The following LEF1 variants were observed in gnomAD, a reference collection of about 807,000 sequenced individuals.
LEF1 encodes the protein lymphoid enhancer binding factor 1, also known as lymphoid enhancer-binding factor 1.
LEF1 carries 14 observed loss-of-function variants against 51.2 expected under a neutral mutation model. That is an observed-to-expected ratio of 0.27 (90% confidence interval 0.18 to 0.43). The LOEUF (loss-of-function observed/expected upper bound fraction) is 0.43. LEF1 is among the 20% of genes least tolerant of loss of function. LEF1 has a pLI of 1.00. For missense variants in LEF1, 386 were observed against 512.0 expected, an observed-to-expected ratio of 0.75 and a Z score of 2.37; for synonymous variants, 185 against 183.2, an observed-to-expected ratio of 1.01 and a Z score of -0.08.
chr4:108,099,580 A>ATGTGTGTG lies in LEF1; in HGVS notation c.415-10324_415-10323insCACACACA, dbSNP rs1560789226. On this transcript the variant is annotated intron_variant, in intron 3 of 11. Coordinates refer to ENST00000265165, the MANE Select transcript of LEF1 (RefSeq NM_016269.5). ...TATGTGTGTGTGTGTGTATATATAT[A>ATGTGTGTG]TATATATATATATATATATATATAT... is the stretch of plus-strand genomic sequence containing the variant. Among the ~76,000 whole-genome samples, 104 of 37,034 alleles carry ATGTGTGTG rather than the reference A, an allele frequency of 2.8e-3. 3 individuals are homozygous for ATGTGTGTG. The highest frequency in any genetic ancestry group is 7.1e-3 in the African/African-American group (58 of 8,204). 24.3% of individuals were successfully genotyped at this position (37,034 alleles called of 152,430 possible).
intron 3 of LEF1, among the ~76,000 whole-genome samples, chr4:108,148,290 T>C (rs1348852698): frequency 3.5e-5 from 5 of 143,898 alleles, no homozygotes; most frequent in African/African-American, 1.3e-4. Flanking sequence ...AAAAAAAAAA[T>C]TTATCAAGCA....
chr4:108,155,140 A>AG (rs1210780686), intron 3 of LEF1, among the ~76,000 whole-genome samples: 2 of 151,572 alleles, frequency 1.3e-5, no homozygotes, highest in Admixed American at 1.3e-4. Context: ...TATGGGATTA[A>AG]GGGGGAAAAA....
rs1191413665 is a variant in LEF1, at chr4:108,113,948, T to TGAA, written c.415-24694_415-24692dup. 2.0e-5 allele frequency among the ~76,000 whole-genome samples: 3 copies of TGAA among 152,174 alleles called. No homozygotes were observed. The East Asian group carries it at 5.8e-4, about 29-fold the overall frequency. Reference sequence around the variant, plus strand: ...TAAACTCATTTAAAAAACCACTATATGAAGACAAAGAATAAAAAATAAACA... The same window carrying TGAA: ...TAAACTCATTTAAAAAACCACTATATGAAGAAGACAAAGAATAAAAAATAAACA... On this transcript the variant is annotated intron_variant, in intron 3 of 11. Coordinates refer to ENST00000265165, the MANE Select transcript of LEF1 (RefSeq NM_016269.5).
At chr4:108,090,287 CT>C (rs1739932807) in intron 3 of LEF1, among the ~76,000 whole-genome samples, 1 of 151,922 alleles carries the variant, frequency 6.6e-6, no homozygotes, top group African/African-American at 2.4e-5. Flanking sequence ...TGAAATACTG[CT>C]TTAATAATAT....
At chr4:108,154,175 TCTG>T (rs1213823120) in intron 3 of LEF1, among the ~76,000 whole-genome samples, 3 of 152,174 alleles carry the variant, frequency 2.0e-5, no homozygotes, top group Non-Finnish European at 2.9e-5. Flanking sequence ...CAATTTCTCT[TCTG>T]CTTTCAATTT....
chr4:108,081,232 C>T (rs938589454), intron 6 of LEF1, among the ~76,000 whole-genome samples: 1 of 152,134 alleles, frequency 6.6e-6, no homozygotes, highest in African/African-American at 2.4e-5. Context: ...TATCCTCCTC[C>T]CTTACCCCAC....
At chr4:108,165,844 T>C (rs892707925) in intron 1 of LEF1, among the ~76,000 whole-genome samples, 45 of 152,222 alleles carry the variant, frequency 3.0e-4, no homozygotes, top group African/African-American at 1.1e-3. Flanking sequence ...CCAGACAGCC[T>C]CAAACACGTG....
At chr4:108,133,215 G>A (rs935421741) in intron 3 of LEF1, among the ~76,000 whole-genome samples, 6 of 152,050 alleles carry the variant, frequency 3.9e-5, no homozygotes, top group Non-Finnish European at 8.8e-5. Flanking sequence ...CTCGTGATCC[G>A]CCCGCCCCAG....
At chr4:108,128,698 G>A (rs1293920487) in intron 3 of LEF1, among the ~76,000 whole-genome samples, 1 of 151,840 alleles carries the variant, frequency 6.6e-6, no homozygotes, top group Non-Finnish European at 1.5e-5. Flanking sequence ...AAAGATAATC[G>A]GTATGAACCT....
chr4:108,074,736 TCAGAGACAGA>T (rs969738547), intron 8 of LEF1, among the ~76,000 whole-genome samples: 2 of 152,148 alleles, frequency 1.3e-5, no homozygotes, highest in Non-Finnish European at 2.9e-5. Flanking sequence ...GGTGTCTAAA[TCAGAGACAGA>T]CAGAGACCCC....
At chr4:108,058,985 T>G (rs1737494911) in intron 11 of LEF1, among the ~76,000 whole-genome samples, 1 of 152,206 alleles carries the variant, frequency 6.6e-6, no homozygotes. Context: ...GCTAAACAGA[T>G]GAATCTGGCC....
At chr4:108,130,940 T>G (rs1195449729) in intron 3 of LEF1, among the ~76,000 whole-genome samples, 2 of 152,070 alleles carry the variant, frequency 1.3e-5, no homozygotes, top group Non-Finnish European at 2.9e-5. Flanking sequence ...TAAAGAGAAA[T>G]ATTTTCTTTA....
chr4:108,089,101 G>A (rs747772395), intron 4 of LEF1, 24 bp downstream of exon 4: 3 of 1,613,660 alleles, frequency 1.9e-6, no homozygotes, highest in Non-Finnish European at 2.5e-6. Context: ...AAAAAAAAGG[G>A]CCTGGAAAGA....
chr4:108,165,225 T>G, intron 1 of LEF1, 62 bp from the exon 2 acceptor site: 1 of 1,474,042 alleles, frequency 6.8e-7, no homozygotes, highest in South Asian at 1.1e-5. Flanking sequence ...GTGACAATAA[T>G]GGTACAAATG....
At chr4:108,083,093 CA>C in intron 5 of LEF1, 1 of 459,804 alleles carries the variant, frequency 2.2e-6, no homozygotes, top group Non-Finnish European at 3.9e-6. Context: ...CCCAAAGCCA[CA>C]AAGGGAATCC....
At chr4:108,105,487 C>T (rs528267323) in intron 3 of LEF1, among the ~76,000 whole-genome samples, 8 of 152,192 alleles carry the variant, frequency 5.3e-5, no homozygotes, top group South Asian at 2.1e-4. Context: ...AGCCTGAACC[C>T]GCTTTTAATA....
chr4:108,116,996 C>T (rs965265992), intron 3 of LEF1, among the ~76,000 whole-genome samples: 3 of 152,242 alleles, frequency 2.0e-5, no homozygotes, highest in African/African-American at 7.2e-5. Context: ...AGTGCCCTCA[C>T]TGTGAGACAT....
At chr4:108,123,902 G>A (rs369094431) in intron 3 of LEF1, among the ~76,000 whole-genome samples, 57 of 152,248 alleles carry the variant, frequency 3.7e-4, no homozygotes, top group African/African-American at 1.3e-3. Flanking sequence ...AGCAATTTGG[G>A]AGGCTGAGAC....
chr4:108,144,865 C>CAAAA (rs11394687), intron 3 of LEF1, among the ~76,000 whole-genome samples: 3,949 of 40,678 alleles, frequency 0.097, 11 homozygotes, highest in Non-Finnish European at 0.11. Flanking sequence ...CCCAACCAGC[C>CAAAA]AAAAAAAAAA....
Sources: allele counts gnomAD v4.1 joint callset (sites outside exome capture counted in the v4.1 genomes callset), GRCh38; gene constraint gnomAD v4.1.1; transcripts MANE v1.5; gene names NCBI Gene and HGNC (gene_info 2026-07-23, HGNC 2026-07-21).